Variants in PDE1C observed in about 807,000 individuals in gnomAD.
The protein encoded by PDE1C is dual specificity calcium/calmodulin-dependent 3',5'-cyclic nucleotide phosphodiesterase 1C.
Under a neutral mutation model 93.1 loss-of-function variants are expected in PDE1C, and 62 were observed. That is an observed-to-expected ratio of 0.67 (90% CI 0.54 to 0.82). The LOEUF (loss-of-function observed/expected upper bound fraction) is 0.82, where lower values mean the gene tolerates loss of function less well. Among genes scored for constraint, PDE1C ranks in the 40% least tolerant of loss-of-function variants. The probability of loss-of-function intolerance (pLI) is 0.00; values close to 1 mark genes in which losing one functional copy is unlikely to be tolerated. For synonymous variants in PDE1C, 325 were observed against 310.1 expected, an observed-to-expected ratio of 1.05 and a Z score of -0.50; for missense variants, 742 against 884.6, an observed-to-expected ratio of 0.84 and a Z score of 2.04.
chr7:32,205,123 G>A (rs915273603), intron 2 of PDE1C, among the ~76,000 whole-genome samples: 1 of 152,180 alleles, frequency 6.6e-6, no homozygotes, highest in Admixed American at 6.5e-5. Flanking sequence ...CAGGTTATCA[G>A]GGCCAATATC....
intron 6 of PDE1C, among the ~76,000 whole-genome samples, chr7:31,872,102 A>G (rs947796708): frequency 3.3e-5 from 5 of 152,178 alleles, no homozygotes; most frequent in South Asian, 4.1e-4. Flanking sequence ...AAGTTATTAC[A>G]TTAAGTGAAA....
chr7:32,366,583 T>C (rs1457597557), intron 1 of PDE1C, among the ~76,000 whole-genome samples: 2 of 152,144 alleles, frequency 1.3e-5, no homozygotes, highest in East Asian at 3.8e-4. Flanking sequence ...GAACCTCAAA[T>C]AGATTGAACC....
At chr7:31,669,858 A>T in the PDE1C span, among the ~76,000 whole-genome samples, 1 of 152,202 alleles carries the variant, frequency 6.6e-6, no homozygotes, top group Non-Finnish European at 1.5e-5. Flanking sequence ...TTTAAAAGTA[A>T]AAAAGGACAA....
chr7:32,218,545 A>G (rs934360640), intron 1 of PDE1C, among the ~76,000 whole-genome samples: 4 of 152,250 alleles, frequency 2.6e-5, no homozygotes, highest in South Asian at 2.1e-4. Flanking sequence ...CTGAGAAGAC[A>G]GCTTGAAAAA....
chr7:32,361,338 T>C (rs568596828), intron 1 of PDE1C, among the ~76,000 whole-genome samples: 24 of 152,306 alleles, frequency 1.6e-4, no homozygotes, highest in African/African-American at 5.8e-4. Flanking sequence ...AGCCCCTTCA[T>C]CCCTGTCTGT....
chr7:32,128,059 G>A (rs1245634691), intron 3 of PDE1C, among the ~76,000 whole-genome samples: 1 of 151,756 alleles, frequency 6.6e-6, no homozygotes, highest in Non-Finnish European at 1.5e-5. Flanking sequence ...AAGAAAGGAA[G>A]AACAGAAGTA....
intron 2 of PDE1C, among the ~76,000 whole-genome samples, chr7:31,964,511 G>C (rs1809577276): frequency 6.6e-6 from 1 of 152,244 alleles, no homozygotes; most frequent in Admixed American, 6.5e-5. Context: ...GCCTGCCTCT[G>C]TAGGCTCCAC....
rs1357650766 is a variant in PDE1C, at chr7:31,865,101, G to T, written c.610-19C>A. 2 of 1,613,762 alleles carry T rather than the reference G, an allele frequency of 1.2e-6. No homozygotes were observed. The highest frequency in any genetic ancestry group is 4.5e-5 in the East Asian group (2 of 44,824). On this transcript the variant is annotated intron_variant, in intron 6 of 17. Coordinates refer to ENST00000396191, the MANE Select transcript of PDE1C (RefSeq NM_001191057.4). ...TGGGGATCTGAAAGAGAGCAGTAAG[G>T]TTAATTAACTAGTGACTTCACTGCT...
At chr7:32,413,048 T>G (rs1456072583) in intron 1 of PDE1C, among the ~76,000 whole-genome samples, 1 of 152,176 alleles carries the variant, frequency 6.6e-6, no homozygotes, top group Non-Finnish European at 1.5e-5. Context: ...AGCGTATGCA[T>G]TTCTCAAAAC....
intron 17 of PDE1C, among the ~76,000 whole-genome samples, chr7:31,754,292 C>T (rs1177336040): frequency 5.3e-5 from 8 of 152,304 alleles, no homozygotes; most frequent in South Asian, 4.1e-4. Flanking sequence ...GATTGGAATG[C>T]AAAATGGTAC....
intron 3 of PDE1C, among the ~76,000 whole-genome samples, chr7:32,101,307 G>T (rs1483517422): frequency 1.3e-5 from 2 of 152,168 alleles, no homozygotes; most frequent in African/African-American, 4.8e-5. Context: ...AAGGACAATT[G>T]AAAGTTGGTT....
chr7:31,853,372 G>C (rs1384426998), intron 7 of PDE1C, among the ~76,000 whole-genome samples: 6 of 152,210 alleles, frequency 3.9e-5, no homozygotes, highest in Non-Finnish European at 8.8e-5. Context: ...TCACAGAGGA[G>C]AGATGTTTAA....
intron 17 of PDE1C, among the ~76,000 whole-genome samples, chr7:31,755,552 G>A (rs984357136): frequency 6.9e-6 from 1 of 144,174 alleles, no homozygotes; most frequent in East Asian, 2.0e-4. Context: ...ATCTTGTAGA[G>A]CCAGAAAATT....
chr7:31,767,989 A>G (rs1795246415), intron 17 of PDE1C, among the ~76,000 whole-genome samples: 1 of 152,238 alleles, frequency 6.6e-6, no homozygotes. Context: ...GAAAAATTGT[A>G]AAATAAACCT....
Position 31,837,870 on chromosome 7 carries a change from G to A in PDE1C, c.1082C>T (p.Ala361Val), listed in dbSNP as rs771510500. Reference sequence around the variant, plus strand: ...AAACACAAGCCACAAGCACACTTACGCTTCTGGCTGCTGCAGAGCAGTCTT... The same window carrying A: ...AAACACAAGCCACAAGCACACTTACACTTCTGGCTGCTGCAGAGCAGTCTT... ...AMKTALQQPE[A>V]IEKPKALSLM... is the part of the protein sequence containing the mutation. Residue 361 changes from alanine (A) to valine (V), a missense_variant and splice_region_variant, in exon 10 of 18, where the codon GCC becomes GTC. Ala to Val is a moderately conservative substitution (Grantham distance 64, BLOSUM62 0). Coordinates refer to ENST00000396191, the MANE Select transcript of PDE1C (RefSeq NM_001191057.4). 22 of 1,606,580 alleles carry A rather than the reference G, an allele frequency of 1.4e-5. No individual in the cohort carries two copies. The highest frequency in any genetic ancestry group is 2.2e-5 in the South Asian group (2 of 90,918).
intron 2 of PDE1C, among the ~76,000 whole-genome samples, chr7:31,966,755 C>T (rs1810042548): frequency 6.6e-6 from 1 of 152,330 alleles, no homozygotes; most frequent in South Asian, 2.1e-4. Flanking sequence ...TTATAACAGA[C>T]TGTCTCTCAG....
At chr7:32,289,126 C>A (rs1812183884) in intron 1 of PDE1C, among the ~76,000 whole-genome samples, 1 of 152,148 alleles carries the variant, frequency 6.6e-6, no homozygotes, top group Non-Finnish European at 1.5e-5. Context: ...GGTCAGAGGC[C>A]AGGCACAGTG....
intron 3 of PDE1C, among the ~76,000 whole-genome samples, chr7:32,076,682 A>C (rs111549084): frequency 2.6e-5 from 4 of 151,586 alleles, no homozygotes; most frequent in African/African-American, 9.7e-5. Context: ...AGAAAAAAAA[A>C]TGACATCAAC....
At chr7:31,747,087 C>T (rs529799710), downstream of PDE1C, among the ~76,000 whole-genome samples, 45 of 152,250 alleles carry the variant, frequency 3.0e-4, 1 homozygote, top group South Asian at 9.3e-3. Context: ...AAGAATCATG[C>T]CATTGCTGCT....
Sources: allele counts gnomAD v4.1 joint callset (sites outside exome capture counted in the v4.1 genomes callset), GRCh38; gene constraint gnomAD v4.1.1; transcripts MANE v1.5; gene names NCBI Gene and HGNC (gene_info 2026-07-23, HGNC 2026-07-21).